Variants in PAQR9 observed in about 807,000 individuals in gnomAD.
PAQR9 encodes progestin and adipoQ receptor family member 9.
Under a neutral mutation model 24.0 loss-of-function variants are expected in PAQR9, and 12 were observed. The observed-to-expected ratio is 0.50, with a 90% CI of 0.32 to 0.81. The LOEUF (loss-of-function observed/expected upper bound fraction) is 0.81, where lower values mean the gene tolerates loss of function less well. PAQR9 is among the 30% of genes least tolerant of loss of function. The pLI, the probability that PAQR9 is intolerant of heterozygous loss-of-function variation, is 0.03. For synonymous variants in PAQR9, 266 were observed against 237.6 expected (o/e 1.12, Z -1.10); for missense variants, 418 against 520.8 (o/e 0.80, Z 1.92).
rs1218636094 is a variant in PAQR9 at position 142,958,565 on chromosome 3, TCA to T, written c.*3636_*3637del. ...TCCTGTTTATTATTGCTGTTAGTCC[TCA>T]GAGTTGGCACCAAATCAGGAAAAAA... On this transcript the variant is annotated 3_prime_UTR_variant, in exon 1 of 1. Transcript: ENST00000340634. 1.3e-5 allele frequency among the ~76,000 whole-genome samples: 2 copies of T among 152,214 alleles called. No individual in the cohort carries two copies. Among genetic ancestry groups the T allele is most frequent in the African/African-American group, 4.8e-5 (2 of 41,458 alleles).
chr3:142,953,817 G>T (rs1357769706), downstream of PAQR9, among the ~76,000 whole-genome samples: 2 of 152,154 alleles, frequency 1.3e-5, no homozygotes, highest in Non-Finnish European at 2.9e-5. Context: ...TGTGACCTCA[G>T]GTAGGCCAAT....
downstream of PAQR9, chr3:142,952,983 C>A (rs967414825): frequency 4.9e-5 from 21 of 428,500 alleles, no homozygotes; most frequent in African/African-American, 4.3e-4. Flanking sequence ...ACGAGACAGC[C>A]CAAATGGAGC....
Position 142,956,307 on chromosome 3 carries a change from A to C in PAQR9, c.*5896T>G, listed in dbSNP as rs1934790333. ...TACAGCACGGCCAAATGACCACCTGAAGACCCCCCATTCTGCCTTGAGTGC... is the reference window on the plus strand; with the variant it reads ...TACAGCACGGCCAAATGACCACCTGCAGACCCCCCATTCTGCCTTGAGTGC... On this transcript the variant is annotated 3_prime_UTR_variant, in exon 1 of 1. Coordinates refer to ENST00000340634, the MANE Select transcript of PAQR9 (RefSeq NM_198504.4). Among the ~76,000 whole-genome samples, 1 of 152,162 alleles carries C rather than the reference A, an allele frequency of 6.6e-6. No individual in the cohort carries two copies. The highest frequency in any genetic ancestry group is 1.5e-5 in the Non-Finnish European group (1 of 68,020).
chr3:142,954,066 A>G (rs1342285849), downstream of PAQR9, among the ~76,000 whole-genome samples: 6 of 152,166 alleles, frequency 3.9e-5, no homozygotes, highest in Non-Finnish European at 5.9e-5. Flanking sequence ...TTCTTCCTTC[A>G]TGAGAGTTTT....
downstream of PAQR9, chr3:142,950,578 T>C (rs1432712068): frequency 6.8e-6 from 3 of 442,856 alleles, no homozygotes; most frequent in Admixed American, 7.5e-5. Flanking sequence ...TCTGATGAGC[T>C]TAAGGTGGGA....
chr3:142,963,215 G>C lies in PAQR9; in HGVS notation c.122C>G (p.Ala41Gly). ...CTCGTCCCAGCGCAGCAGCGGCTTG[G>C]CAGACGCTGGGGGGTCCCGGGAGGC... ...SAASRDPPAS[A>G]KPLLRWDEVP... The change falls in exon 1 of 1, where the codon GCC (alanine) becomes GGC (glycine). Residue 41 changes from alanine to glycine, a missense_variant. Physicochemically the swap from Ala to Gly is moderately conservative, Grantham distance 60. Coordinates refer to ENST00000340634, the MANE Select transcript of PAQR9 (RefSeq NM_198504.4). 1.3e-6 allele frequency: 2 copies of C among 1,564,670 alleles called. No individual in the cohort carries two copies. The highest frequency in any genetic ancestry group is 8.7e-7 in the Non-Finnish European group (1 of 1,155,634).
chr3:142,958,436 C>T lies in PAQR9; in HGVS notation c.*3767G>A, dbSNP rs1408427014. 6.6e-6 allele frequency among the ~76,000 whole-genome samples: 1 copy of T among 152,184 alleles called. No homozygotes were observed. The highest frequency in any genetic ancestry group is 1.5e-5 in the Non-Finnish European group (1 of 68,044). The stretch of plus-strand genomic sequence containing the variant: ...ACTTAATCCTGTCACCTTGGACCAA[C>T]TATAAAGCTTTGAAATGGAGATAAC... On this transcript the variant is annotated 3_prime_UTR_variant, in exon 1 of 1. Transcript: ENST00000340634.
chr3:142,963,350 C>T lies in PAQR9; in HGVS notation c.-14G>A, dbSNP rs1464332527. 8.2e-7 allele frequency: 1 copy of T among 1,215,724 alleles called. No homozygotes were observed. The highest frequency in any genetic ancestry group is 1.0e-6 in the Non-Finnish European group (1 of 979,044). 75.3% of individuals were successfully genotyped at this position (1,215,724 alleles called of 1,614,324 possible). On this transcript the variant is annotated 5_prime_UTR_variant, in exon 1 of 1. Transcript: ENST00000340634. ...GCGCCGCGGCATGGTGCCCGGGGCT[C>T]GGCTAGGGCGCGCGCAGGCGACCTC...
chr3:142,963,662 G>A lies in PAQR9; in HGVS notation c.-326C>T. ...GCGCGGCTGACTGCGGCGGCAGCGC[G>A]GCAGCGGTGACTGGGCATCGCGCGG... is the stretch of plus-strand genomic sequence containing the variant. On this transcript the variant is annotated 5_prime_UTR_variant, in exon 1 of 1. Transcript: ENST00000340634. 1 of 624,340 alleles carries A rather than the reference G, an allele frequency of 1.6e-6. No homozygotes were observed. Among genetic ancestry groups the A allele is most frequent in the Non-Finnish European group, 2.0e-6 (1 of 502,264 alleles). 38.7% of individuals were successfully genotyped at this position (624,340 alleles called of 1,614,324 possible). A position where few individuals can be genotyped will look rare whatever the true frequency, so the allele number is the denominator to read the frequency against.
rs759388753 is a variant in PAQR9, at chr3:142,962,471, A to G, written c.866T>C (p.Phe289Ser). The change falls in exon 1 of 1, where the codon TTC (phenylalanine) becomes TCC (serine). Residue 289 changes from phenylalanine to serine, a missense_variant. Physicochemically the swap from Phe to Ser is radical, Grantham distance 155. This residue lies in a region of PAQR9 where 230 missense variants were observed against 305.2 expected (regional missense o/e 0.75). Transcript: ENST00000340634. ...CTCGGGGATCTTGCTCACGTTGAAG[A>G]AGGCGGCCACCACCAGCCAGAAGTA... Reference protein sequence around the residue: ...RRYFWLVVAAFFNVSKIPERI... With the variant: ...RRYFWLVVAASFNVSKIPERI... 4 of 1,613,492 alleles carry G rather than the reference A, an allele frequency of 2.5e-6. No homozygotes were observed. The highest frequency in any genetic ancestry group is 1.3e-5 in the African/African-American group (1 of 75,070).
chr3:142,952,692 C>G, downstream of PAQR9: 1 of 448,686 alleles, frequency 2.2e-6, no homozygotes, highest in South Asian at 1.6e-5. Flanking sequence ...TTCTTCTTAT[C>G]TTGTCTTCCC....
downstream of PAQR9, among the ~76,000 whole-genome samples, chr3:142,952,145 T>C (rs975231542): frequency 6.6e-6 from 1 of 152,120 alleles, no homozygotes; most frequent in Non-Finnish European, 1.5e-5. Context: ...TAAATTCTTG[T>C]AGGAGGAATC....
chr3:142,959,990 T>C lies in PAQR9; in HGVS notation c.*2213A>G, dbSNP rs940241150. Reference sequence around the variant, plus strand: ...ATATCCTGATTTCCACAGTTGTCCTTGAATGCATCTATTGAATTAAGTTAC... The same window carrying C: ...ATATCCTGATTTCCACAGTTGTCCTCGAATGCATCTATTGAATTAAGTTAC... On this transcript the variant is annotated 3_prime_UTR_variant, in exon 1 of 1. Coordinates refer to ENST00000340634, the MANE Select transcript of PAQR9 (RefSeq NM_198504.4). Among the ~76,000 whole-genome samples, 1 of 152,172 alleles carries C rather than the reference T, an allele frequency of 6.6e-6. No homozygotes were observed. The highest frequency in any genetic ancestry group is 2.4e-5 in the African/African-American group (1 of 41,438).
In PAQR9 at chr3:142,961,221, G is replaced by A. The variant is rs1296026941; in HGVS notation, c.*982C>T. The A allele has an allele frequency of 1.3e-5, 2 of 152,540 alleles. No homozygotes were observed. The highest frequency in any genetic ancestry group is 2.9e-5 in the Non-Finnish European group (2 of 68,028). The allele number at this position is 152,540 out of a possible 1,614,324, so 9.4% of individuals were successfully genotyped here. On this transcript the variant is annotated 3_prime_UTR_variant, in exon 1 of 1. Coordinates refer to ENST00000340634, the MANE Select transcript of PAQR9 (RefSeq NM_198504.4). ...TCCCCATGTAAGAAACTGTGTTTGA[G>A]GACCAGTCATTTGGACTTTGCTTCA...
At chr3:142,951,449 A>G (rs557236751), downstream of PAQR9, 6 of 256,854 alleles carry the variant, frequency 2.3e-5, no homozygotes, top group South Asian at 1.9e-4. Context: ...CCAGTAGACT[A>G]CTTGCCAATG....
At chr3:142,951,495 A>T (rs1934709936), downstream of PAQR9, 4 of 332,320 alleles carry the variant, frequency 1.2e-5, no homozygotes, top group Non-Finnish European at 1.2e-5. Flanking sequence ...CCTGATCACC[A>T]TCCTTTTCTG....
chr3:142,962,393 T>C lies in PAQR9; in HGVS notation c.944A>G (p.His315Arg). The C allele has an allele frequency of 6.2e-7, 1 of 1,614,094 alleles. No individual in the cohort carries two copies. Residue 315 changes from histidine to arginine, a missense_variant, in exon 1 of 1, where the codon CAC (histidine) becomes CGC (arginine). Coordinates refer to ENST00000340634, the MANE Select transcript of PAQR9 (RefSeq NM_198504.4). The stretch of plus-strand genomic sequence containing the variant: ...GTAGATGCTGAGGAAGGTGAAGATG[T>C]GGAAGAGCTGGTGGCTGTGGCCGAT... ...DIIGHSHQLF[H>R]IFTFLSIYDQ...
Position 142,963,591 on chromosome 3 carries a change from C to A in PAQR9, c.-255G>T. The A allele has an allele frequency of 2.3e-6, 2 of 879,532 alleles. No homozygotes were observed. The highest frequency in any genetic ancestry group is 2.7e-6 in the Non-Finnish European group (2 of 734,422). 54.5% of individuals were successfully genotyped at this position (879,532 alleles called of 1,614,324 possible). On this transcript the variant is annotated 5_prime_UTR_variant, in exon 1 of 1. Transcript: ENST00000340634. ...GAGGCTCAGCGGCTTCCTCGCCAAG[C>A]CCCTGCTACCGGCGCGCGGCCGCCC...
downstream of PAQR9, among the ~76,000 whole-genome samples, chr3:142,952,047 A>AGAGG (rs1553825957): frequency 1.3e-4 from 13 of 103,528 alleles, no homozygotes; most frequent in African/African-American, 4.4e-4. Flanking sequence ...GTGAAAAAGA[A>AGAGG]GGGGGGGGGG....
Sources: gnomAD v4.1 joint callset for allele counts (sites outside exome capture counted in the v4.1 genomes callset) on GRCh38, gnomAD v4.1.1 for gene constraint, gnomAD v4.1.1 regional missense constraint, MANE v1.5 for transcripts, NCBI Gene and HGNC (gene_info 2026-07-23, HGNC 2026-07-21) for gene names.